NEGR1: variants seen among roughly 807,000 people sequenced by gnomAD.
NEGR1 encodes the protein IgLON family member 4.
In NEGR1, 10 loss-of-function variants were observed where a neutral mutation model predicts 40.9. That is an observed-to-expected ratio of 0.24 (90% confidence interval 0.15 to 0.42). The LOEUF is 0.42. Ranked by LOEUF, NEGR1 falls within the 10% of genes least tolerant of loss-of-function variation. The probability of loss-of-function intolerance (pLI) is 1.00; values close to 1 mark genes in which losing one functional copy is unlikely to be tolerated. For missense variants in NEGR1, 352 were observed against 438.9 expected (o/e 0.80, Z 1.77); for synonymous variants, 185 against 166.8 (o/e 1.11, Z -0.84).
At chr1:71,927,600 C>A (rs1645786815) in intron 2 of NEGR1, among the ~76,000 whole-genome samples, 1 of 151,690 alleles carries the variant, frequency 6.6e-6, no homozygotes. Flanking sequence ...GATATCAGAC[C>A]ATTGTCTCTC....
intron 1 of NEGR1, among the ~76,000 whole-genome samples, chr1:72,002,859 G>T (rs142981087): frequency 6.6e-6 from 1 of 152,166 alleles, no homozygotes; most frequent in East Asian, 1.9e-4. Context: ...AGGACACATC[G>T]AATGTAAAAT....
intron 6 of NEGR1, among the ~76,000 whole-genome samples, chr1:71,556,666 A>C (rs1326419644): frequency 2.0e-5 from 3 of 149,938 alleles, no homozygotes; most frequent in Non-Finnish European, 4.5e-5. Flanking sequence ...CACACACACA[A>C]GTCCATGGAG....
At chr1:71,510,150 A>T (rs1451037235) in intron 6 of NEGR1, among the ~76,000 whole-genome samples, 2 of 152,200 alleles carry the variant, frequency 1.3e-5, no homozygotes, top group African/African-American at 4.8e-5. Flanking sequence ...TATATCTCTC[A>T]TAATTGTGGC....
chr1:72,091,309 G>T (rs1222888878), intron 1 of NEGR1, among the ~76,000 whole-genome samples: 1 of 151,992 alleles, frequency 6.6e-6, no homozygotes, highest in Admixed American at 6.6e-5. Flanking sequence ...TTATTTATCA[G>T]ATTCTTTTTT....
At chr1:71,441,491 A>G (rs1209194835) in intron 6 of NEGR1, among the ~76,000 whole-genome samples, 1 of 152,214 alleles carries the variant, frequency 6.6e-6, no homozygotes, top group African/African-American at 2.4e-5. Context: ...TTGGTGAATT[A>G]TGATGATCAA....
chr1:71,647,323 T>C (rs994079090), intron 4 of NEGR1, among the ~76,000 whole-genome samples: 9 of 151,904 alleles, frequency 5.9e-5, no homozygotes, highest in Non-Finnish European at 1.2e-4. Context: ...GTCCTTAACA[T>C]AGCCTTACAA....
chr1:72,197,888 T>G (rs1358070865), intron 1 of NEGR1, among the ~76,000 whole-genome samples: 1 of 152,054 alleles, frequency 6.6e-6, no homozygotes, highest in Non-Finnish European at 1.5e-5. Context: ...TCAGTTTAGA[T>G]TTTTCGGATG....
intron 6 of NEGR1, among the ~76,000 whole-genome samples, chr1:71,511,693 T>A (rs1009700921): frequency 6.6e-6 from 1 of 152,308 alleles, no homozygotes; most frequent in Non-Finnish European, 1.5e-5. Flanking sequence ...TGAGATAAGC[T>A]GAATCAAAGA....
chr1:72,123,010 T>C (rs1348893469), intron 1 of NEGR1, among the ~76,000 whole-genome samples: 1 of 151,986 alleles, frequency 6.6e-6, no homozygotes, highest in Non-Finnish European at 1.5e-5. Flanking sequence ...AATACCCTTT[T>C]AAAATATTTG....
intron 1 of NEGR1, among the ~76,000 whole-genome samples, chr1:72,036,753 T>C (rs903440042): frequency 6.6e-6 from 1 of 151,978 alleles, no homozygotes; most frequent in Non-Finnish European, 1.5e-5. Context: ...AAGTTTTTAC[T>C]GATCTTTAAC....
At chr1:71,711,487 A>AAC (rs1440955569) in intron 3 of NEGR1, among the ~76,000 whole-genome samples, 2 of 151,230 alleles carry the variant, frequency 1.3e-5, no homozygotes, top group East Asian at 3.9e-4. Flanking sequence ...TTTACAAAAA[A>AAC]AAAAAAAAAA....
intron 6 of NEGR1, among the ~76,000 whole-genome samples, chr1:71,419,979 TA>T (rs1646384143): frequency 6.6e-6 from 1 of 151,848 alleles, no homozygotes; most frequent in Non-Finnish European, 1.5e-5. Context: ...GTCAAGATGG[TA>T]AAAAACAGAG....
chr1:71,928,521 T>A (rs527418146), intron 2 of NEGR1, among the ~76,000 whole-genome samples: 2 of 145,798 alleles, frequency 1.4e-5, no homozygotes, highest in East Asian at 4.0e-4. Flanking sequence ...TGTATATATA[T>A]ACACACATCT....
intron 1 of NEGR1, among the ~76,000 whole-genome samples, chr1:72,107,117 G>C (rs1358488399): frequency 6.6e-6 from 1 of 151,662 alleles, no homozygotes; most frequent in East Asian, 1.9e-4. Context: ...CTTAAAAGTA[G>C]GTTACAATGA....
At chr1:72,012,803 GTA>G (rs886258368) in intron 1 of NEGR1, among the ~76,000 whole-genome samples, 30 of 132,848 alleles carry the variant, frequency 2.3e-4, no homozygotes, top group African/African-American at 4.2e-4. Context: ...ATGTGTGTGT[GTA>G]TATATATATA....
intron 2 of NEGR1, among the ~76,000 whole-genome samples, chr1:71,784,536 C>T (rs915228139): frequency 3.3e-5 from 5 of 152,146 alleles, no homozygotes; most frequent in African/African-American, 9.7e-5. Context: ...ATTTTACCAT[C>T]GTGTTCTTTT....
rs187737009 is a variant in NEGR1 at position 71,924,839 on chromosome 1, T to G, written c.409+10240A>C. Among the ~76,000 whole-genome samples, 17 of 152,266 alleles carry G rather than the reference T, an allele frequency of 1.1e-4. No homozygotes were observed. The East Asian group carries it at 3.1e-3, about 28-fold the overall frequency. ...GAAATTATAGAGAATAAGAAGGTTT[T>G]GGCCTCAAATAAAAATAAGCAATCT... On this transcript the variant is annotated intron_variant, in intron 2 of 6. Transcript: ENST00000357731.
intron 3 of NEGR1, among the ~76,000 whole-genome samples, chr1:71,758,592 A>G (rs1009612794): frequency 3.3e-5 from 5 of 152,142 alleles, no homozygotes; most frequent in Non-Finnish European, 5.9e-5. Flanking sequence ...ACCAAGAAAA[A>G]CATAATTTTA....
At chr1:71,656,445 C>T (rs907730749) in intron 4 of NEGR1, among the ~76,000 whole-genome samples, 2 of 152,102 alleles carry the variant, frequency 1.3e-5, no homozygotes, top group African/African-American at 4.8e-5. Context: ...CGGAGTCTGG[C>T]TCTGTCGCCC....
Sources: gnomAD v4.1 joint callset for allele counts (sites outside exome capture counted in the v4.1 genomes callset) on GRCh38, gnomAD v4.1.1 for gene constraint, MANE v1.5 for transcripts, NCBI Gene and HGNC (gene_info 2026-07-23, HGNC 2026-07-21) for gene names.